The following PCDH9 variants were observed in gnomAD, a reference collection of about 807,000 sequenced individuals.
PCDH9 encodes the protein protocadherin-9.
A neutral mutation model predicts 70.6 loss-of-function variants in PCDH9; 24 were observed. The ratio of observed to expected loss-of-function variants is 0.34; its 90% CI spans 0.25 to 0.48. The LOEUF (loss-of-function observed/expected upper bound fraction) is 0.48. Ranked by LOEUF, PCDH9 falls within the 20% of genes least tolerant of loss-of-function variation. The pLI, the probability that PCDH9 is intolerant of heterozygous loss-of-function variation, is 0.99. For missense variants in PCDH9, 1,281 were observed against 1,503.6 expected, an observed-to-expected ratio of 0.85 and a Z score of 2.45; for synonymous variants, 562 against 558.5, an observed-to-expected ratio of 1.01 and a Z score of -0.09.
intron 3 of PCDH9, among the ~76,000 whole-genome samples, chr13:66,674,486 CTG>C (rs535108341): frequency 6.5e-4 from 99 of 152,214 alleles, no homozygotes; most frequent in African/African-American, 2.3e-3. Context: ...TAAATGACCT[CTG>C]TGTTGAAACT....
At chr13:67,099,505 C>T (rs902715244) in intron 2 of PCDH9, among the ~76,000 whole-genome samples, 1 of 152,144 alleles carries the variant, frequency 6.6e-6, no homozygotes, top group African/African-American at 2.4e-5. Context: ...GGCATCTCAT[C>T]TAGCATATAC....
At chr13:67,130,005 T>C (rs1237799697) in intron 2 of PCDH9, among the ~76,000 whole-genome samples, 2 of 152,246 alleles carry the variant, frequency 1.3e-5, no homozygotes, top group East Asian at 3.9e-4. Context: ...ACGATAGCAA[T>C]AGACTTTTCT....
At chr13:66,505,770 C>T (rs1018949059) in intron 4 of PCDH9, among the ~76,000 whole-genome samples, 11 of 152,230 alleles carry the variant, frequency 7.2e-5, no homozygotes, top group Middle Eastern at 3.4e-3. Flanking sequence ...TCATACAATA[C>T]GTGGGAATTA....
chr13:67,142,015 A>C (rs1399699157), intron 2 of PCDH9, among the ~76,000 whole-genome samples: 9 of 152,098 alleles, frequency 5.9e-5, no homozygotes, highest in Admixed American at 5.9e-4. Flanking sequence ...CTAAATACAT[A>C]TTGGGTTAGA....
chr13:66,498,210 C>A (rs915534370), intron 4 of PCDH9, among the ~76,000 whole-genome samples: 3 of 38,192 alleles, frequency 7.9e-5, no homozygotes, highest in African/African-American at 2.8e-4. Flanking sequence ...GTGGCGCGAT[C>A]TCGGCTCACT....
intron 4 of PCDH9, among the ~76,000 whole-genome samples, chr13:66,354,202 G>C (rs186009988): frequency 6.6e-6 from 1 of 152,034 alleles, no homozygotes; most frequent in Non-Finnish European, 1.5e-5. Flanking sequence ...ATTAAATACA[G>C]ACTCCCTCTG....
chr13:66,530,653 C>T (rs1295926586), intron 4 of PCDH9, among the ~76,000 whole-genome samples: 1 of 151,678 alleles, frequency 6.6e-6, no homozygotes, highest in African/African-American at 2.4e-5. Flanking sequence ...TCTGTTGATC[C>T]AATGAAAACA....
chr13:66,600,406 C>T (rs900441678), intron 4 of PCDH9, among the ~76,000 whole-genome samples: 4 of 151,802 alleles, frequency 2.6e-5, no homozygotes, highest in African/African-American at 7.2e-5. Flanking sequence ...ACAAAAAATG[C>T]TATTTTACTC....
rs372606245 is a variant in PCDH9, at chr13:66,649,887, TC to T, written c.3139-18477del. On this transcript the variant is annotated intron_variant, in intron 3 of 4. Coordinates refer to ENST00000377865, the MANE Select transcript of PCDH9 (RefSeq NM_203487.3). ...CTCACTTGTTTGTTTCCTTAGACAA[TC>T]CGTGTTAGTTATCATTATTTTACAA... Among the ~76,000 whole-genome samples, 619 of 151,848 alleles carry T rather than the reference TC, an allele frequency of 4.1e-3. 1 individual carries two copies. Among genetic ancestry groups the T allele is most frequent in the African/African-American group, 0.014 (598 of 41,446 alleles).
chr13:66,587,019 C>T lies in PCDH9; in HGVS notation c.3340+44191G>A, dbSNP rs535627664. Among the ~76,000 whole-genome samples the T allele has an allele frequency of 2.6e-5, 4 of 152,088 alleles. No individual in the cohort carries two copies. The South Asian group carries it at 8.4e-4, about 32-fold the overall frequency. The stretch of plus-strand genomic sequence containing the variant: ...TAATATATTATCACTGCGAGTACGG[C>T]ACCCGTCAGCTGGGCACGGTAATAC... On this transcript the variant is annotated intron_variant, in intron 4 of 4. Coordinates refer to ENST00000377865, the MANE Select transcript of PCDH9 (RefSeq NM_203487.3).
chr13:67,177,214 A>G (rs1371955717), intron 2 of PCDH9, among the ~76,000 whole-genome samples: 3 of 152,140 alleles, frequency 2.0e-5, no homozygotes, highest in Admixed American at 1.3e-4. Context: ...GAAAACACCT[A>G]TCATTTCTTG....
At chr13:66,420,905 C>T (rs1957554820) in intron 4 of PCDH9, among the ~76,000 whole-genome samples, 1 of 151,984 alleles carries the variant, frequency 6.6e-6, no homozygotes. Context: ...GGAGCATGTG[C>T]TAACCCAATG....
intron 2 of PCDH9, among the ~76,000 whole-genome samples, chr13:66,912,972 A>AAT (rs1287797271): frequency 1.3e-5 from 2 of 152,096 alleles, no homozygotes; most frequent in Admixed American, 6.6e-5. Flanking sequence ...CCTTCAACGT[A>AAT]ATGTTAGCCT....
chr13:67,048,343 C>G (rs1308205470), intron 2 of PCDH9, among the ~76,000 whole-genome samples: 1 of 152,092 alleles, frequency 6.6e-6, no homozygotes, highest in Non-Finnish European at 1.5e-5. Flanking sequence ...CAGGAAGGTA[C>G]AGTAAATTTT....
intron 3 of PCDH9, among the ~76,000 whole-genome samples, chr13:66,847,517 C>T (rs189757421): frequency 1.1e-4 from 17 of 152,276 alleles, no homozygotes; most frequent in Admixed American, 1.1e-3. Flanking sequence ...TAACAACATA[C>T]AGTTCAACAA....
intron 4 of PCDH9, among the ~76,000 whole-genome samples, chr13:66,589,857 T>G (rs1000463930): frequency 4.6e-5 from 7 of 152,254 alleles, no homozygotes; most frequent in African/African-American, 1.7e-4. Flanking sequence ...TAACTTTATA[T>G]CTGGTGAGAT....
Position 66,659,552 on chromosome 13 carries a change from T to TA in PCDH9, c.3139-28142_3139-28141insT, listed in dbSNP as rs60932787. On this transcript the variant is annotated intron_variant, in intron 3 of 4. Coordinates refer to ENST00000377865, the MANE Select transcript of PCDH9 (RefSeq NM_203487.3). ...CTTAAGTTATGTTTGTGTGTGTGTG[T>TA]TTGTGTGTGTTTGGTAGAACAAGCA... Among the ~76,000 whole-genome samples, 6 of 150,748 alleles carry TA rather than the reference T, an allele frequency of 4.0e-5. No individual in the cohort carries two copies. In the East Asian group the frequency reaches 1.2e-3, roughly 29 times the overall value.
intron 3 of PCDH9, among the ~76,000 whole-genome samples, chr13:66,661,725 A>G (rs980663931): frequency 1.3e-5 from 2 of 152,232 alleles, no homozygotes; most frequent in Non-Finnish European, 2.9e-5. Flanking sequence ...ACACAGGAAG[A>G]CAAAGCTTAA....
rs1171570420 is a variant in PCDH9, at chr13:67,159,228, G to A, written c.3036+66177C>T. On this transcript the variant is annotated intron_variant, in intron 2 of 4. Coordinates refer to ENST00000377865, the MANE Select transcript of PCDH9 (RefSeq NM_203487.3). ...ATAAGGTGACAGCCTGGATTTGACCGGGATTGGTGGGTTCCTGAGACTCAC... is the reference window on the plus strand; with the variant it reads ...ATAAGGTGACAGCCTGGATTTGACCAGGATTGGTGGGTTCCTGAGACTCAC... Among the ~76,000 whole-genome samples, 10 of 152,286 alleles carry A rather than the reference G, an allele frequency of 6.6e-5. No individual in the cohort carries two copies. In the East Asian group the frequency reaches 1.4e-3, roughly 21 times the overall value.
Sources: gnomAD v4.1 joint callset for allele counts (sites outside exome capture counted in the v4.1 genomes callset) on GRCh38, gnomAD v4.1.1 for gene constraint, MANE v1.5 for transcripts, NCBI Gene and HGNC (gene_info 2026-07-23, HGNC 2026-07-21) for gene names.